GDAP2: variants seen among roughly 807,000 people sequenced by gnomAD.
GDAP2 encodes the protein ganglioside-induced differentiation-associated protein 2.
In GDAP2, 51 loss-of-function variants were observed where a neutral mutation model predicts 67.0. The ratio of observed to expected loss-of-function variants is 0.76; its 90% CI spans 0.61 to 0.96. The LOEUF is 0.96. Among genes scored for constraint, GDAP2 ranks in the 40% least tolerant of loss-of-function variants. The pLI, the probability that GDAP2 is intolerant of heterozygous loss-of-function variation, is 0.00. For synonymous variants in GDAP2, 203 were observed against 207.3 expected, an observed-to-expected ratio of 0.98 and a Z score of 0.18; for missense variants, 547 against 588.3, an observed-to-expected ratio of 0.93 and a Z score of 0.73.
intron 12 of GDAP2, 44 bp downstream of exon 12, chr1:117,881,779 G>A: frequency 1.0e-6 from 1 of 982,598 alleles, no homozygotes. Flanking sequence ...TGGGCATGCA[G>A]TGCACATAAA....
chr1:117,873,425 T>TA (rs1359329712), intron 13 of GDAP2, among the ~76,000 whole-genome samples: 2 of 152,074 alleles, frequency 1.3e-5, no homozygotes, highest in East Asian at 1.9e-4. Flanking sequence ...TTTTTTTTTT[T>TA]AAACAGATAC....
In GDAP2 at chr1:117,887,708, T is replaced by A. The variant is rs1648913769; in HGVS notation, c.1020A>T (p.Leu340Phe). Residue 340 changes from leucine to phenylalanine, a missense_variant, in exon 9 of 14, where the codon TTA becomes TTT. Coordinates refer to ENST00000369443, the MANE Select transcript of GDAP2 (RefSeq NM_017686.4). The stretch of plus-strand genomic sequence containing the variant: ...TATATTTAAGCTCACCTGTTTGGTA[T>A]AAGGCTTTTAGAGAAGCAATATCAG... Reference protein sequence around the residue: ...DLSDIASLKALYQTGVDNCGR... With the variant: ...DLSDIASLKAFYQTGVDNCGR... The A allele has an allele frequency of 6.5e-7, 1 of 1,540,796 alleles. No individual in the cohort carries two copies. The highest frequency in any genetic ancestry group is 1.1e-5 in the South Asian group (1 of 89,550).
chr1:117,928,111 T>C (rs1454104656), intron 1 of GDAP2, among the ~76,000 whole-genome samples: 3 of 152,150 alleles, frequency 2.0e-5, no homozygotes, highest in Non-Finnish European at 4.4e-5. Context: ...CATGACTCAT[T>C]CAAATATAAA....
chr1:117,911,405 G>T (rs1008885395), intron 5 of GDAP2, among the ~76,000 whole-genome samples: 1 of 152,092 alleles, frequency 6.6e-6, no homozygotes. Flanking sequence ...CATGAAATCT[G>T]ACTGCATTTG....
chr1:117,863,796 T>TAGC lies in GDAP2; in HGVS notation c.*6770_*6772dup, dbSNP rs1389192641. ...CAATATGTAATATATATAAAGAGCT[T>TAGC]AGCAGCGTTCAAGGCACACAGTAAA... On this transcript the variant is annotated 3_prime_UTR_variant, in exon 14 of 14. Coordinates refer to ENST00000369443, the MANE Select transcript of GDAP2 (RefSeq NM_017686.4). 6.6e-6 allele frequency: 1 copy of TAGC among 152,252 alleles called. No individual in the cohort carries two copies. The highest frequency in any genetic ancestry group is 1.5e-5 in the Non-Finnish European group (1 of 68,036). 9.4% of individuals were successfully genotyped at this position (152,252 alleles called of 1,614,324 possible).
At chr1:117,879,010 G>A (rs1173835516) in intron 12 of GDAP2, among the ~76,000 whole-genome samples, 3 of 152,132 alleles carry the variant, frequency 2.0e-5, no homozygotes, top group Admixed American at 6.6e-5. Context: ...AATATTGCAG[G>A]CTTCTTATAA....
chr1:117,893,797 G>T (rs1649167206), intron 8 of GDAP2, among the ~76,000 whole-genome samples: 1 of 151,932 alleles, frequency 6.6e-6, no homozygotes, highest in Non-Finnish European at 1.5e-5. Context: ...ATAAAACACA[G>T]ACATTTTTAT....
At chr1:117,871,527 T>C (rs1168806957) in intron 13 of GDAP2, among the ~76,000 whole-genome samples, 3 of 152,226 alleles carry the variant, frequency 2.0e-5, no homozygotes, top group Non-Finnish European at 4.4e-5. Flanking sequence ...GAAAATAGCA[T>C]TTCTTCATGG....
At chr1:117,890,164 A>G (rs1298048803) in intron 8 of GDAP2, among the ~76,000 whole-genome samples, 5 of 152,074 alleles carry the variant, frequency 3.3e-5, no homozygotes, top group Non-Finnish European at 5.9e-5. Flanking sequence ...ATGTATGCTG[A>G]GAAGGGGACT....
intron 8 of GDAP2, among the ~76,000 whole-genome samples, chr1:117,890,085 C>T (rs933326907): frequency 2.6e-5 from 4 of 151,980 alleles, no homozygotes; most frequent in Middle Eastern, 3.4e-3. Flanking sequence ...TATTACAGTA[C>T]GAAGAAAATT....
At chr1:117,906,614 A>T in intron 5 of GDAP2, 32 bp from the exon 6 acceptor site, 2 of 1,146,772 alleles carry the variant, frequency 1.7e-6, no homozygotes. Context: ...TTACTCAATA[A>T]ATAAAAAATT....
At chr1:117,897,450 G>C (rs569742894) in intron 7 of GDAP2, among the ~76,000 whole-genome samples, 12 of 152,174 alleles carry the variant, frequency 7.9e-5, no homozygotes, top group Non-Finnish European at 1.8e-4. Context: ...GATGTACCAG[G>C]ATCACAGAGT....
chr1:117,872,748 G>C (rs1177856820), intron 13 of GDAP2, among the ~76,000 whole-genome samples: 1 of 152,038 alleles, frequency 6.6e-6, no homozygotes, highest in Non-Finnish European at 1.5e-5. Context: ...TAATACCTAG[G>C]TGATGGGTCG....
intron 8 of GDAP2, 173 bp downstream of exon 8, chr1:117,896,660 C>A (rs1361231288): frequency 2.2e-6 from 1 of 455,430 alleles, no homozygotes; most frequent in Non-Finnish European, 3.9e-6. Flanking sequence ...TGATAACTTT[C>A]TTAACTTTGA....
At chr1:117,881,998 A>G (rs887708067) in intron 11 of GDAP2, 121 bp from the exon 12 acceptor site, 1 of 601,846 alleles carries the variant, frequency 1.7e-6, no homozygotes, top group South Asian at 2.3e-5. Flanking sequence ...AAATAAAGAC[A>G]GCTATAATTT....
In GDAP2 at chr1:117,866,904, A is replaced by C. The variant is rs901785779; in HGVS notation, c.*3665T>G. The C allele has an allele frequency of 6.6e-6, 1 of 151,660 alleles. No individual in the cohort carries two copies. Among genetic ancestry groups the C allele is most frequent in the Non-Finnish European group, 1.5e-5 (1 of 67,886 alleles). The allele number at this position is 151,660 out of a possible 1,614,324, so 9.4% of individuals were successfully genotyped here. A position where few individuals can be genotyped will look rare whatever the true frequency, so the allele number is the denominator to read the frequency against. On this transcript the variant is annotated 3_prime_UTR_variant, in exon 14 of 14. Coordinates refer to ENST00000369443, the MANE Select transcript of GDAP2 (RefSeq NM_017686.4). ...AAGAAAAAGAAAAAGAAACCTAACT[A>C]ACTCCAGTTTTCAAGGTGTTTTTAT... is the stretch of plus-strand genomic sequence containing the variant.
intron 1 of GDAP2, among the ~76,000 whole-genome samples, chr1:117,926,140 G>A (rs1212556781): frequency 6.6e-6 from 1 of 152,060 alleles, no homozygotes; most frequent in Non-Finnish European, 1.5e-5. Context: ...AGAGTAATTT[G>A]TTTTGTAGCT....
In GDAP2 at chr1:117,899,192, G is replaced by A; in HGVS notation, c.661C>T (p.Leu221Phe). Residue 221 changes from leucine (L) to phenylalanine (F), a missense_variant, in exon 7 of 14, where the codon CTC becomes TTC. Transcript: ENST00000369443. ...TCTTTTAATGACCTTGGGAAGTAGA[G>A]AGGTAGCAGCTTTTGGTAAGTACCC... ...EEGTYQKLLP[L>F]YFPRSLKEEN... 3 of 1,612,310 alleles carry A rather than the reference G, an allele frequency of 1.9e-6. No individual in the cohort carries two copies. Among genetic ancestry groups the A allele is most frequent in the Non-Finnish European group, 2.5e-6 (3 of 1,178,364 alleles).
intron 8 of GDAP2, among the ~76,000 whole-genome samples, chr1:117,895,807 A>G (rs1442333860): frequency 2.0e-5 from 3 of 152,220 alleles, no homozygotes; most frequent in Non-Finnish European, 2.9e-5. Context: ...AAGTGACTGG[A>G]GAGTTCATGT....
Sources: allele counts gnomAD v4.1 joint callset (sites outside exome capture counted in the v4.1 genomes callset), GRCh38; gene constraint gnomAD v4.1.1; transcripts MANE v1.5; gene names NCBI Gene and HGNC (gene_info 2026-07-23, HGNC 2026-07-21).